Variants in LRIF1 observed in about 807,000 individuals in gnomAD.
The protein encoded by LRIF1 is ligand dependent nuclear receptor interacting factor 1, also known as ligand-dependent nuclear receptor-interacting factor 1.
LRIF1 carries 32 observed loss-of-function variants against 52.7 expected under a neutral mutation model. The ratio of observed to expected loss-of-function variants is 0.61; its 90% CI spans 0.46 to 0.82. LRIF1 has a LOEUF of 0.82. Ranked by LOEUF, LRIF1 falls within the 40% of genes least tolerant of loss-of-function variation. The pLI is 0.00. For missense variants in LRIF1, 887 were observed against 892.0 expected (o/e 0.99, Z 0.07); for synonymous variants, 323 against 317.4 (o/e 1.02, Z -0.19).
chr1:110,894,177 C>A, the LRIF1 span: 1 of 666,286 alleles, frequency 1.5e-6, no homozygotes, highest in Non-Finnish European at 2.7e-6. Context: ...CACATATTTT[C>A]ACAAAACAAA....
chr1:110,957,470 CA>C (rs34396800), intron 1 of LRIF1, among the ~76,000 whole-genome samples: 701 of 42,752 alleles, frequency 0.016, 6 homozygotes, highest in Non-Finnish European at 0.023. Context: ...GACTCAGTCT[CA>C]AAAAAAAAAA....
At chr1:110,918,438 G>T in the LRIF1 span, among the ~76,000 whole-genome samples, 2 of 152,050 alleles carry the variant, frequency 1.3e-5, no homozygotes, top group Non-Finnish European at 2.9e-5. Flanking sequence ...AGTTGATAAA[G>T]ATATATCAAA....
intron 3 of LRIF1, among the ~76,000 whole-genome samples, chr1:110,948,823 A>C (rs1245223448): frequency 1.3e-5 from 2 of 152,220 alleles, no homozygotes; most frequent in Non-Finnish European, 2.9e-5. Flanking sequence ...CTCATAAGTC[A>C]AAGTATAACA....
At chr1:110,889,712 A>T in the LRIF1 span, among the ~76,000 whole-genome samples, 2 of 152,184 alleles carry the variant, frequency 1.3e-5, no homozygotes, top group Non-Finnish European at 2.9e-5. Context: ...CGTTTTACAT[A>T]GGAAGAAATT....
Position 110,951,347 on chromosome 1 carries a change from A to G in LRIF1, c.1537T>C (p.Ser513Pro), listed in dbSNP as rs771318181. ...GAAGTAACAGTTGTTGCATCAACAG[A>G]GGAACTTATTTTCTCTATGCTCTGG... ...VLQSIEKISSSVDATTVTSQQ... is the reference protein window; with the variant it reads ...VLQSIEKISSPVDATTVTSQQ... Residue 513 changes from serine (S) to proline (P), a missense_variant, in exon 2 of 4, where the codon TCT becomes CCT. By Grantham distance (74) the Ser-to-Pro change is moderately conservative. Coordinates refer to ENST00000369763, the MANE Select transcript of LRIF1 (RefSeq NM_018372.4). 6.2e-7 allele frequency: 1 copy of G among 1,614,140 alleles called. No individual in the cohort carries two copies. Among genetic ancestry groups the G allele is most frequent in the Non-Finnish European group, 8.5e-7 (1 of 1,180,004 alleles).
At position 110,963,778 on chromosome 1, in the gene LRIF1, T is replaced by G. The variant is rs892659684; in HGVS notation, c.-90A>C. On this transcript the variant is annotated 5_prime_UTR_variant, in exon 1 of 4. Transcript: ENST00000369763. ...TGGGGCGAGAACCAGAGCGAGGGAA[T>G]GTTGGGCTGGAGTTGCCCACAGCAA... 5.5e-6 allele frequency: 6 copies of G among 1,095,926 alleles called. No individual in the cohort carries two copies. The highest frequency in any genetic ancestry group is 5.3e-5 in the East Asian group (2 of 38,008). 67.9% of individuals were successfully genotyped at this position (1,095,926 alleles called of 1,614,324 possible).
the LRIF1 span, among the ~76,000 whole-genome samples, chr1:110,885,271 G>GC: frequency 6.6e-6 from 1 of 152,114 alleles, no homozygotes; most frequent in African/African-American, 2.4e-5. Context: ...AGAGATTTGG[G>GC]CAGGCGCGGT....
At chr1:110,939,091 A>G in the LRIF1 span, 1 of 152,192 alleles carries the variant, frequency 6.6e-6, no homozygotes, top group Non-Finnish European at 1.5e-5. Flanking sequence ...AAAAGAATCA[A>G]TATAGTTAAA....
the LRIF1 span, among the ~76,000 whole-genome samples, chr1:110,889,392 TA>T: frequency 9.3e-5 from 14 of 149,902 alleles, no homozygotes; most frequent in African/African-American, 2.2e-4. Context: ...CCGTCTCTAC[TA>T]AAAAAAAATA....
At chr1:110,886,615 G>A in the LRIF1 span, among the ~76,000 whole-genome samples, 3 of 151,988 alleles carry the variant, frequency 2.0e-5, no homozygotes, top group South Asian at 2.1e-4. Flanking sequence ...TTGGGAGGCC[G>A]AGGTGGGTGG....
At chr1:110,933,897 C>T in the LRIF1 span, among the ~76,000 whole-genome samples, 1 of 152,130 alleles carries the variant, frequency 6.6e-6, no homozygotes, top group Admixed American at 6.5e-5. Flanking sequence ...CCCCTAACCA[C>T]AGGGTGCACA....
chr1:110,937,672 G>A, the LRIF1 span: 1 of 151,896 alleles, frequency 6.6e-6, no homozygotes, highest in Non-Finnish European at 1.5e-5. Context: ...TAAAGAACTA[G>A]AAAAGCAAGA....
At chr1:110,944,523 G>A (rs1204871995), downstream of LRIF1, 1 of 152,196 alleles carries the variant, frequency 6.6e-6, no homozygotes, top group Non-Finnish European at 1.5e-5. Flanking sequence ...TAAGCAAAGA[G>A]GCAAACCGTG....
chr1:110,933,439 GAA>G, the LRIF1 span, among the ~76,000 whole-genome samples: 2 of 151,802 alleles, frequency 1.3e-5, no homozygotes, highest in Non-Finnish European at 2.9e-5. Context: ...TGAAGACATA[GAA>G]AAAAAAGCCT....
the LRIF1 span, among the ~76,000 whole-genome samples, chr1:110,910,977 GCAAAAGGAAAGCAATAAC>G: frequency 1.3e-5 from 2 of 152,038 alleles, no homozygotes; most frequent in Admixed American, 1.3e-4. Context: ...TCCAAAACTA[GCAAAAGGAAAGCAATAAC>G]CAAAATCAGA....
At chr1:110,963,281 G>A (rs1045540711) in intron 1 of LRIF1, 1 of 181,112 alleles carries the variant, frequency 5.5e-6, no homozygotes, top group African/African-American at 2.3e-5. Flanking sequence ...CTGCGTTTCT[G>A]CGTGTGCGTG....
intron 3 of LRIF1, among the ~76,000 whole-genome samples, chr1:110,948,831 A>G (rs1658329075): frequency 6.6e-6 from 1 of 152,230 alleles, no homozygotes; most frequent in Non-Finnish European, 1.5e-5. Flanking sequence ...TCAAAGTATA[A>G]CAGTAGGCAA....
the LRIF1 span, among the ~76,000 whole-genome samples, chr1:110,932,818 G>C: frequency 6.6e-6 from 1 of 151,990 alleles, no homozygotes; most frequent in South Asian, 2.1e-4. Context: ...CTATTACTAG[G>C]GCATTTGCAG....
chr1:110,930,220 C>T, the LRIF1 span, among the ~76,000 whole-genome samples: 1 of 152,128 alleles, frequency 6.6e-6, no homozygotes, highest in African/African-American at 2.4e-5. Flanking sequence ...CATGACTTGA[C>T]ACTTGGAAGA....
Sources: allele counts gnomAD v4.1 joint callset (sites outside exome capture counted in the v4.1 genomes callset), GRCh38; gene constraint gnomAD v4.1.1; transcripts MANE v1.5; gene names NCBI Gene and HGNC (gene_info 2026-07-23, HGNC 2026-07-21).